The following SNTG1 variants were observed in gnomAD, a reference collection of about 807,000 sequenced individuals.
The protein encoded by SNTG1 is syntrophin gamma 1, also known as gamma-1-syntrophin.
In SNTG1, 39 loss-of-function variants were observed where a neutral mutation model predicts 74.7. The ratio of observed to expected loss-of-function variants is 0.52; its 90% CI spans 0.40 to 0.68. The LOEUF is 0.68. Among genes scored for constraint, SNTG1 ranks in the 30% least tolerant of loss-of-function variants. The pLI is 0.00. For synonymous variants in SNTG1, 254 were observed against 217.1 expected (o/e 1.17, Z -1.49); for missense variants, 685 against 609.5 (o/e 1.12, Z -1.30).
In SNTG1 at chr8:50,498,812, A is replaced by G. The variant is rs1304269854; in HGVS notation, c.364-3966A>G. ...AAGCTCCTTTTCTTTTCTAATGAGG[A>G]TTTGAAATAGTTCCAGCACAATTTG... On this transcript the variant is annotated intron_variant, in intron 8 of 18. Transcript: ENST00000642720. 2.0e-5 allele frequency among the ~76,000 whole-genome samples: 3 copies of G among 151,826 alleles called. No homozygotes were observed. In the East Asian group the frequency reaches 5.8e-4, roughly 29 times the overall value.
chr8:50,586,404 C>G (rs1389771592), intron 12 of SNTG1, among the ~76,000 whole-genome samples: 1 of 152,166 alleles, frequency 6.6e-6, no homozygotes, highest in Non-Finnish European at 1.5e-5. Context: ...ATCTGTCTGA[C>G]TGCACAGCCT....
At chr8:50,402,093 T>C in intron 3 of SNTG1, 117 bp from the exon 4 acceptor site, 1 of 999,294 alleles carries the variant, frequency 1.0e-6, no homozygotes, top group Non-Finnish European at 1.4e-6. Context: ...CATCAGAGTG[T>C]GTTTTCACCA....
intron 8 of SNTG1, among the ~76,000 whole-genome samples, chr8:50,493,282 A>G (rs2093874731): frequency 6.6e-6 from 1 of 152,226 alleles, no homozygotes; most frequent in Non-Finnish European, 1.5e-5. Context: ...GAACCAGATC[A>G]TCCAACCAAA....
chr8:49,987,235 C>T (rs1585781478), intron 1 of SNTG1, among the ~76,000 whole-genome samples: 2 of 152,128 alleles, frequency 1.3e-5, no homozygotes, highest in East Asian at 3.9e-4. Flanking sequence ...AATACAAAAT[C>T]ATAGGATGCC....
At chr8:50,588,143 T>C (rs1054111512) in intron 12 of SNTG1, among the ~76,000 whole-genome samples, 3 of 151,886 alleles carry the variant, frequency 2.0e-5, no homozygotes, top group Non-Finnish European at 4.4e-5. Context: ...ATTGAAGATA[T>C]GAAATGTTCT....
At chr8:49,951,392 C>G (rs1437971400) in intron 1 of SNTG1, among the ~76,000 whole-genome samples, 1 of 152,176 alleles carries the variant, frequency 6.6e-6, no homozygotes, top group African/African-American at 2.4e-5. Context: ...GTCCATTTTA[C>G]TGCTGAAACC....
intron 15 of SNTG1, among the ~76,000 whole-genome samples, chr8:50,677,245 A>C (rs1409618715): frequency 6.6e-6 from 1 of 152,002 alleles, no homozygotes; most frequent in Non-Finnish European, 1.5e-5. Flanking sequence ...TTTTAATAAA[A>C]ATGTGAGAGT....
At chr8:50,070,794 A>T (rs779641924) in intron 1 of SNTG1, among the ~76,000 whole-genome samples, 18 of 152,216 alleles carry the variant, frequency 1.2e-4, no homozygotes, top group Non-Finnish European at 2.1e-4. Context: ...GAACTCAGGC[A>T]AGGCATTCTC....
intron 13 of SNTG1, among the ~76,000 whole-genome samples, chr8:50,648,064 A>G (rs546075072): frequency 4.6e-5 from 7 of 152,300 alleles, no homozygotes; most frequent in African/African-American, 1.4e-4. Context: ...TCTGAGACCA[A>G]TTGAAAAGAA....
intron 13 of SNTG1, among the ~76,000 whole-genome samples, chr8:50,651,362 G>T (rs779502948): frequency 2.0e-5 from 3 of 151,868 alleles, no homozygotes; most frequent in African/African-American, 4.8e-5. Flanking sequence ...ATATATATAA[G>T]ATATAAAAGC....
intron 13 of SNTG1, among the ~76,000 whole-genome samples, chr8:50,647,530 G>A (rs2095117372): frequency 6.6e-6 from 1 of 151,958 alleles, no homozygotes; most frequent in Non-Finnish European, 1.5e-5. Context: ...TTGCTAGTGG[G>A]GCAGCTGTGC....
intron 2 of SNTG1, among the ~76,000 whole-genome samples, chr8:50,307,476 C>T (rs1195207889): frequency 1.3e-5 from 2 of 151,946 alleles, no homozygotes; most frequent in East Asian, 1.9e-4. Flanking sequence ...TTCCTCTCTT[C>T]CATCTTTCTG....
intron 2 of SNTG1, among the ~76,000 whole-genome samples, chr8:50,350,248 G>A (rs1294819661): frequency 1.3e-5 from 2 of 152,120 alleles, no homozygotes; most frequent in East Asian, 1.9e-4. Context: ...GACGAGTGCC[G>A]CCCCCTGCTC....
At chr8:50,406,029 G>T (rs988447968) in intron 4 of SNTG1, among the ~76,000 whole-genome samples, 19 of 151,928 alleles carry the variant, frequency 1.3e-4, no homozygotes, top group African/African-American at 3.6e-4. Flanking sequence ...GCTAATTTGG[G>T]TTCCTTAAGA....
intron 1 of SNTG1, among the ~76,000 whole-genome samples, chr8:50,057,498 A>G (rs938718210): frequency 6.6e-6 from 1 of 152,106 alleles, no homozygotes; most frequent in African/African-American, 2.4e-5. Flanking sequence ...AAAATGAAAG[A>G]GAACAAGGTC....
At chr8:50,234,924 A>G (rs999566083) in intron 2 of SNTG1, among the ~76,000 whole-genome samples, 4 of 152,096 alleles carry the variant, frequency 2.6e-5, no homozygotes, top group Non-Finnish European at 5.9e-5. Context: ...GGAAAAATTG[A>G]TAAGATTGGC....
chr8:50,095,704 G>A (rs1164455332), intron 1 of SNTG1, among the ~76,000 whole-genome samples: 3 of 152,100 alleles, frequency 2.0e-5, no homozygotes. Flanking sequence ...GAATATGTTT[G>A]TTTGCTTTGT....
chr8:50,012,416 T>C (rs1444007883), intron 1 of SNTG1, among the ~76,000 whole-genome samples: 3 of 152,144 alleles, frequency 2.0e-5, no homozygotes, highest in African/African-American at 7.2e-5. Context: ...AGAAAAATGC[T>C]AGGAAGTATG....
chr8:50,770,906 G>C (rs2095625433), intron 18 of SNTG1, among the ~76,000 whole-genome samples: 1 of 152,076 alleles, frequency 6.6e-6, no homozygotes, highest in Non-Finnish European at 1.5e-5. Flanking sequence ...TCTGCCATGA[G>C]GTCAAGCAAC....
Sources: gnomAD v4.1 joint callset for allele counts (sites outside exome capture counted in the v4.1 genomes callset) on GRCh38, gnomAD v4.1.1 for gene constraint, MANE v1.5 for transcripts, NCBI Gene and HGNC (gene_info 2026-07-23, HGNC 2026-07-21) for gene names.